Variants in TOMM40L observed in about 807,000 individuals in gnomAD.
The protein encoded by TOMM40L is translocase of outer mitochondrial membrane 40 like, also known as mitochondrial import receptor subunit TOM40B.
TOMM40L carries 17 observed loss-of-function variants against 38.3 expected under a neutral mutation model. That is an observed-to-expected ratio of 0.44 (90% CI 0.30 to 0.67). The LOEUF (loss-of-function observed/expected upper bound fraction) is 0.67, where lower values mean the gene tolerates loss of function less well. TOMM40L is among the 30% of genes least tolerant of loss of function. The pLI, the probability that TOMM40L is intolerant of heterozygous loss-of-function variation, is 0.08. For synonymous variants in TOMM40L, 151 were observed against 150.2 expected, an observed-to-expected ratio of 1.01 and a Z score of -0.04; for missense variants, 294 against 390.0, an observed-to-expected ratio of 0.75 and a Z score of 2.07.
At position 161,227,998 on chromosome 1, in the gene TOMM40L, C is replaced by T. The variant is rs74124676; in HGVS notation, c.484+9C>T. 1 of 1,613,358 alleles carries T rather than the reference C, an allele frequency of 6.2e-7. No individual in the cohort carries two copies. The highest frequency in any genetic ancestry group is 8.5e-7 in the Non-Finnish European group (1 of 1,179,398). On this transcript the variant is annotated intron_variant, in intron 6 of 9. Transcript: ENST00000367988. The stretch of plus-strand genomic sequence containing the variant: ...CCTGATTGGGGAGTCGGGTGAGGAA[C>T]TGGGACAGGGTTCTTTTTATCTTGG...
At chr1:161,228,027 C>T in intron 6 of TOMM40L, 38 bp downstream of exon 6, 1 of 1,608,164 alleles carries the variant, frequency 6.2e-7, no homozygotes, top group Non-Finnish European at 8.5e-7. Flanking sequence ...ATCTTGGCGG[C>T]CCATTTGCTA....
chr1:161,227,484 A>AG (rs1252332154), intron 4 of TOMM40L, 134 bp downstream of exon 4: 4 of 1,054,304 alleles, frequency 3.8e-6, no homozygotes, highest in Non-Finnish European at 5.7e-6. Context: ...TGAATGAGAG[A>AG]GGGTAGAGAA....
intron 7 of TOMM40L, 34 bp from the exon 8 acceptor site, chr1:161,228,394 A>T (rs1666531794): frequency 1.2e-6 from 2 of 1,613,684 alleles, no homozygotes; most frequent in Non-Finnish European, 1.7e-6. Context: ...ACTACAGTTA[A>T]CACTCCTTCC....
chr1:161,229,339 C>A lies in TOMM40L; in HGVS notation c.*244C>A. The stretch of plus-strand genomic sequence containing the variant: ...TATCACCTTCCCCATGCTCTTGTGG[C>A]TGTGGACTAAGGGAGAAGGATTAAG... On this transcript the variant is annotated 3_prime_UTR_variant, in exon 10 of 10. Transcript: ENST00000367988. 1 of 632,802 alleles carries A rather than the reference C, an allele frequency of 1.6e-6. No homozygotes were observed. The highest frequency in any genetic ancestry group is 2.8e-5 in the East Asian group (1 of 36,132). The allele number at this position is 632,802 out of a possible 1,614,324, so 39.2% of individuals were successfully genotyped here. A position where few individuals can be genotyped will look rare whatever the true frequency, so the allele number is the denominator to read the frequency against.
Position 161,228,990 on chromosome 1 carries a change from G to T in TOMM40L, c.822G>T (p.Val274=). The T allele has an allele frequency of 6.2e-7, 1 of 1,614,170 alleles. No individual in the cohort carries two copies. Among genetic ancestry groups the T allele is most frequent in the Non-Finnish European group, 8.5e-7 (1 of 1,180,032 alleles). Residue 274 remains valine, a synonymous_variant, in exon 10 of 10, where the codon GTG becomes GTT. Transcript: ENST00000367988. ...LVDSNWCVGA[V]LEKKMPPLPV... ...ATAGTAACTGGTGTGTAGGTGCTGT[G>T]CTGGAGAAGAAGATGCCCCCTCTGC...
In TOMM40L at chr1:161,230,620, A is replaced by C; in HGVS notation, c.*1525A>C. 1 of 694,952 alleles carries C rather than the reference A, an allele frequency of 1.4e-6. No individual in the cohort carries two copies. The highest frequency in any genetic ancestry group is 2.4e-6 in the Non-Finnish European group (1 of 421,498). 43.0% of individuals were successfully genotyped at this position (694,952 alleles called of 1,614,324 possible). On this transcript the variant is annotated 3_prime_UTR_variant, in exon 10 of 10. Transcript: ENST00000367988. ...AAATCTGGAAAAAGTGAGATGAAAC[A>C]GCAGTATCCAAATACAGCAATTTGG...
Position 161,230,335 on chromosome 1 carries a change from C to T in TOMM40L, c.*1240C>T. On this transcript the variant is annotated 3_prime_UTR_variant, in exon 10 of 10. Transcript: ENST00000367988. ...ACGAGCAAAACAGAAGCGGTGCATA[C>T]CTCAGAGCCTGGATAAATCACAGAC... 1 of 304,706 alleles carries T rather than the reference C, an allele frequency of 3.3e-6. No individual in the cohort carries two copies. Among genetic ancestry groups the T allele is most frequent in the Non-Finnish European group, 6.1e-6 (1 of 164,150 alleles). The allele number at this position is 304,706 out of a possible 1,614,324, so 18.9% of individuals were successfully genotyped here. A position where few individuals can be genotyped will look rare whatever the true frequency, so the allele number is the denominator to read the frequency against.
Position 161,229,728 on chromosome 1 carries a change from C to T in TOMM40L, c.*633C>T, listed in dbSNP as rs3813629. On this transcript the variant is annotated 3_prime_UTR_variant, in exon 10 of 10. Transcript: ENST00000367988. Reference sequence around the variant, plus strand: ...CTTTGAACCCGGCCCAATCTTTGGTCCCAGCATTTTCCCACTCCAGTGTAT... The same window carrying T: ...CTTTGAACCCGGCCCAATCTTTGGTTCCAGCATTTTCCCACTCCAGTGTAT... 6.2e-7 allele frequency: 1 copy of T among 1,614,188 alleles called. No homozygotes were observed. The highest frequency in any genetic ancestry group is 2.2e-5 in the East Asian group (1 of 44,886).
At chr1:161,228,614 A>G (rs1666550998) in intron 8 of TOMM40L, 101 bp from the exon 9 acceptor site, 3 of 1,553,004 alleles carry the variant, frequency 1.9e-6, no homozygotes, top group Non-Finnish European at 2.7e-6. Context: ...CACGCTGTGT[A>G]TATATTTACA....
intron 3 of TOMM40L, 44 bp from the exon 4 acceptor site, chr1:161,227,211 AGTG>A: frequency 1.3e-6 from 2 of 1,565,254 alleles, no homozygotes; most frequent in Non-Finnish European, 1.8e-6. Flanking sequence ...GAGGGATTGA[AGTG>A]GAGCAGGAAT....
Position 161,229,391 on chromosome 1 carries a change from C to T in TOMM40L, c.*296C>T. 1 of 612,650 alleles carries T rather than the reference C, an allele frequency of 1.6e-6. No individual in the cohort carries two copies. Among genetic ancestry groups the T allele is most frequent in the South Asian group, 2.0e-5 (1 of 49,116 alleles). The allele number at this position is 612,650 out of a possible 1,614,324, so 38.0% of individuals were successfully genotyped here. A position where few individuals can be genotyped will look rare whatever the true frequency, so the allele number is the denominator to read the frequency against. On this transcript the variant is annotated 3_prime_UTR_variant, in exon 10 of 10. Transcript: ENST00000367988. ...GGTATGGCTGAATTCCCCCGGCACC[C>T]CTTGCCCTCAGGCTTCCTTCTTCCT...
chr1:161,227,371 G>T (rs576772579), intron 4 of TOMM40L, 21 bp downstream of exon 4: 46 of 1,610,456 alleles, frequency 2.9e-5, no homozygotes, highest in Admixed American at 1.2e-4. Context: ...CACACACCTG[G>T]GTCATCTCCC....
rs1666456593 is a variant in TOMM40L at position 161,227,823 on chromosome 1, G to A, written c.379-61G>A. Reference sequence around the variant, plus strand: ...CTGCTCTGAGGGCTTGGAAGGAGGAGCAGAGTCTATAATGATCATAAAGAG... The same window carrying A: ...CTGCTCTGAGGGCTTGGAAGGAGGAACAGAGTCTATAATGATCATAAAGAG... On this transcript the variant is annotated intron_variant, in intron 5 of 9. Coordinates refer to ENST00000367988, the MANE Select transcript of TOMM40L (RefSeq NM_032174.6). 2.5e-6 allele frequency: 4 copies of A among 1,605,136 alleles called. No homozygotes were observed. In the South Asian group the frequency reaches 3.3e-5, roughly 13 times the overall value.
At position 161,230,544 on chromosome 1, in the gene TOMM40L, A is replaced by G. The variant is rs1028521775; in HGVS notation, c.*1449A>G. 13 of 569,440 alleles carry G rather than the reference A, an allele frequency of 2.3e-5. No homozygotes were observed. The Admixed American group carries it at 4.0e-4, about 18-fold the overall frequency. The allele number at this position is 569,440 out of a possible 1,614,324, so 35.3% of individuals were successfully genotyped here. On this transcript the variant is annotated 3_prime_UTR_variant, in exon 10 of 10. Coordinates refer to ENST00000367988, the MANE Select transcript of TOMM40L (RefSeq NM_032174.6). The stretch of plus-strand genomic sequence containing the variant: ...GGATGTCATCAATCTCAGGAATGCT[A>G]TTACCCAGAGCCTCTGAGCTACTAC...
chr1:161,226,672 T>C (rs1341262523), intron 2 of TOMM40L, 68 bp downstream of exon 2: 3 of 1,489,482 alleles, frequency 2.0e-6, no homozygotes, highest in Non-Finnish European at 2.8e-6. Context: ...GAATGCCGGA[T>C]GTCCGGCGAT....
intron 6 of TOMM40L, 28 bp from the exon 7 acceptor site, chr1:161,228,158 G>A: frequency 4.5e-6 from 7 of 1,570,366 alleles, no homozygotes; most frequent in Non-Finnish European, 6.0e-6. Flanking sequence ...CTCTATGACT[G>A]ACTCCATGTC....
intron 8 of TOMM40L, 79 bp downstream of exon 8, chr1:161,228,583 C>A: frequency 6.3e-7 from 1 of 1,578,138 alleles, no homozygotes; most frequent in Non-Finnish European, 8.7e-7. Context: ...TATCGCCCTG[C>A]TGACCTATTT....
At chr1:161,226,810 G>C (rs2102074538) in intron 2 of TOMM40L, 78 bp from the exon 3 acceptor site, 1 of 1,523,698 alleles carries the variant, frequency 6.6e-7, no homozygotes. Flanking sequence ...TTCCCTATGG[G>C]ATTGAAAGGG....
In TOMM40L at chr1:161,230,462, G is replaced by A; in HGVS notation, c.*1367G>A. The stretch of plus-strand genomic sequence containing the variant: ...TTGGCCCAATGGCGAGGAGAGGAAA[G>A]GCCAAGGGAAGAGAAAAGTCTGCGT... On this transcript the variant is annotated 3_prime_UTR_variant, in exon 10 of 10. Transcript: ENST00000367988. 1 of 484,382 alleles carries A rather than the reference G, an allele frequency of 2.1e-6. No homozygotes were observed. Among genetic ancestry groups the A allele is most frequent in the Non-Finnish European group, 3.6e-6 (1 of 275,742 alleles). 30.0% of individuals were successfully genotyped at this position (484,382 alleles called of 1,614,324 possible).
Sources: gnomAD v4.1 joint callset for allele counts on GRCh38, gnomAD v4.1.1 for gene constraint, MANE v1.5 for transcripts, NCBI Gene and HGNC (gene_info 2026-07-23, HGNC 2026-07-21) for gene names.